The following DPYD variants were observed in gnomAD, a reference collection of about 807,000 sequenced individuals.
DPYD encodes the protein dihydropyrimidine dehydrogenase.
In DPYD, 109 loss-of-function variants were observed where a neutral mutation model predicts 116.2. The observed-to-expected ratio is 0.94, with a 90% CI of 0.80 to 1.10. DPYD has a LOEUF of 1.10. DPYD is among the 50% of genes least tolerant of loss of function. The pLI, the probability that DPYD is intolerant of heterozygous loss-of-function variation, is 0.00. For missense variants in DPYD, 1,302 were observed against 1,254.5 expected (o/e 1.04, Z -0.57); for synonymous variants, 440 against 432.0 (o/e 1.02, Z -0.23).
At chr1:97,528,145 G>C (rs1649291047) in intron 12 of DPYD, among the ~76,000 whole-genome samples, 1 of 152,020 alleles carries the variant, frequency 6.6e-6, no homozygotes, top group Non-Finnish European at 1.5e-5. Context: ...TATCTATTGA[G>C]GGAAAAATCT....
chr1:97,366,408 G>T (rs1363422023), intron 16 of DPYD, among the ~76,000 whole-genome samples: 1 of 152,146 alleles, frequency 6.6e-6, no homozygotes, highest in African/African-American at 2.4e-5. Context: ...TCAGATTTTA[G>T]TCACTTTTGC....
intron 3 of DPYD, among the ~76,000 whole-genome samples, chr1:97,785,013 A>G (rs2101230668): frequency 6.6e-6 from 1 of 152,332 alleles, no homozygotes; most frequent in East Asian, 1.9e-4. Context: ...TTATAATTTC[A>G]TGGTGTTCTG....
chr1:97,705,811 T>C (rs1661910974), intron 5 of DPYD, among the ~76,000 whole-genome samples: 1 of 152,058 alleles, frequency 6.6e-6, no homozygotes, highest in Non-Finnish European at 1.5e-5. Flanking sequence ...TCCTGACTTT[T>C]TAATGATCGC....
At chr1:97,184,341 C>T (rs1344612216) in intron 20 of DPYD, among the ~76,000 whole-genome samples, 2 of 152,090 alleles carry the variant, frequency 1.3e-5, no homozygotes, top group Non-Finnish European at 2.9e-5. Context: ...GGAATCAACA[C>T]ACTGCTTTCC....
At chr1:97,907,079 G>T (rs1242110727) in intron 1 of DPYD, among the ~76,000 whole-genome samples, 3 of 152,062 alleles carry the variant, frequency 2.0e-5, no homozygotes, top group Non-Finnish European at 1.5e-5. Context: ...ACCCTGGCTG[G>T]ACAAAGCGAT....
At chr1:97,158,472 G>GACACAGACACACACACAC in intron 20 of DPYD, among the ~76,000 whole-genome samples, 1 of 112,086 alleles carries the variant, frequency 8.9e-6, no homozygotes, top group Non-Finnish European at 1.8e-5. Flanking sequence ...TAACTCACCA[G>GACACAGACACACACACAC]ACACACACAC....
chr1:97,382,493 CA>C (rs774554531), intron 14 of DPYD, 32 bp from the exon 15 acceptor site: 2 of 1,371,414 alleles, frequency 1.5e-6, no homozygotes, highest in Non-Finnish European at 2.0e-6. Flanking sequence ...AATATAAGTT[CA>C]AGTAGTTATC....
chr1:97,499,680 T>A (rs537567837), intron 13 of DPYD, among the ~76,000 whole-genome samples: 11 of 152,104 alleles, frequency 7.2e-5, no homozygotes, highest in African/African-American at 2.6e-4. Flanking sequence ...GGGAAATTTA[T>A]TTTATTTAAT....
chr1:97,296,903 G>C (rs987600132), intron 18 of DPYD, among the ~76,000 whole-genome samples: 3 of 151,906 alleles, frequency 2.0e-5, no homozygotes, highest in Admixed American at 2.0e-4. Context: ...AAAGCACAGT[G>C]GTGTTATTTA....
intron 18 of DPYD, among the ~76,000 whole-genome samples, chr1:97,260,536 T>A (rs1053713434): frequency 2.6e-5 from 4 of 152,098 alleles, no homozygotes; most frequent in Admixed American, 1.3e-4. Context: ...TAATTTGTTG[T>A]ATAAGTATAC....
chr1:97,658,296 A>G (rs1057503069), intron 8 of DPYD, among the ~76,000 whole-genome samples: 1 of 152,206 alleles, frequency 6.6e-6, no homozygotes, highest in African/African-American at 2.4e-5. Context: ...TTATAGGAAT[A>G]ATCTTACATA....
intron 6 of DPYD, among the ~76,000 whole-genome samples, chr1:97,693,514 G>A (rs1661142531): frequency 6.6e-6 from 1 of 152,004 alleles, no homozygotes; most frequent in Non-Finnish European, 1.5e-5. Flanking sequence ...AATGCTCTGG[G>A]CACCAAGAAG....
chr1:97,214,999 A>G (rs1284139379), intron 19 of DPYD, among the ~76,000 whole-genome samples: 24 of 152,340 alleles, frequency 1.6e-4, no homozygotes, highest in Admixed American at 1.4e-3. Context: ...AGGGCTGTAC[A>G]TTTTATTTTA....
At chr1:97,234,126 T>C (rs1292168516) in intron 19 of DPYD, among the ~76,000 whole-genome samples, 2 of 152,262 alleles carry the variant, frequency 1.3e-5, no homozygotes, top group South Asian at 2.1e-4. Context: ...GTTCACAGTC[T>C]AGTCATATAA....
intron 3 of DPYD, among the ~76,000 whole-genome samples, chr1:97,801,618 C>G (rs1307637770): frequency 2.6e-5 from 4 of 151,712 alleles, no homozygotes; most frequent in Non-Finnish European, 5.9e-5. Flanking sequence ...AAAAGGCGAA[C>G]CTGAGAAGGT....
At chr1:97,770,624 CGTAA>C (rs1666089622) in intron 3 of DPYD, among the ~76,000 whole-genome samples, 1 of 151,990 alleles carries the variant, frequency 6.6e-6, no homozygotes, top group African/African-American at 2.4e-5. Context: ...ACTAAGTTTG[CGTAA>C]GTGTTTTTTG....
At chr1:97,613,216 T>C (rs902490024) in intron 8 of DPYD, among the ~76,000 whole-genome samples, 4 of 152,050 alleles carry the variant, frequency 2.6e-5, no homozygotes, top group Non-Finnish European at 4.4e-5. Flanking sequence ...TTAAATCATA[T>C]ACTAATTGAA....
chr1:97,439,451 T>C (rs1675635341), intron 14 of DPYD, among the ~76,000 whole-genome samples: 1 of 152,216 alleles, frequency 6.6e-6, no homozygotes, highest in South Asian at 2.1e-4. Flanking sequence ...ATAGTTTGTG[T>C]CCTTCAAGGA....
chr1:97,681,374 A>C (rs1660418075), intron 7 of DPYD, among the ~76,000 whole-genome samples: 1 of 152,098 alleles, frequency 6.6e-6, no homozygotes, highest in African/African-American at 2.4e-5. Context: ...GCAATGGAGC[A>C]AGAAGTTGGA....
Sources: allele counts gnomAD v4.1 joint callset (sites outside exome capture counted in the v4.1 genomes callset), GRCh38; gene constraint gnomAD v4.1.1; transcripts MANE v1.5; gene names NCBI Gene and HGNC (gene_info 2026-07-23, HGNC 2026-07-21).